The following EBF4 variants were observed in gnomAD, a reference collection of about 807,000 sequenced individuals.
EBF4 encodes EBF transcription factor 4.
In EBF4, 34 loss-of-function variants were observed where a neutral mutation model predicts 67.1. The observed-to-expected ratio is 0.51, with a 90% CI of 0.39 to 0.67. EBF4 has a LOEUF of 0.67. EBF4 is among the 30% of genes least tolerant of loss of function. The pLI is 0.00. For missense variants in EBF4, 837 were observed against 873.3 expected (o/e 0.96, Z 0.52); for synonymous variants, 387 against 377.7 (o/e 1.02, Z -0.29).
intron 6 of EBF4, among the ~76,000 whole-genome samples, chr20:2,715,495 T>G (rs2087596389): frequency 6.6e-6 from 1 of 152,192 alleles, no homozygotes; most frequent in African/African-American, 2.4e-5. Flanking sequence ...GGTCAGGAAT[T>G]GTCAGGTCAT....
intron 6 of EBF4, among the ~76,000 whole-genome samples, chr20:2,717,813 CTTT>C (rs796712582): frequency 1.4e-5 from 2 of 140,694 alleles, no homozygotes. Context: ...AGTGGGCATT[CTTT>C]TTTTTTTTTT....
At chr20:2,705,589 G>A (rs1175109908) in exon 2 of EBF4, 1 of 1,551,994 alleles carries the variant, frequency 6.4e-7, no homozygotes, top group South Asian at 1.2e-5. Flanking sequence ...GCGTGGGTCT[G>A]GCACGAGCAC....
At chr20:2,719,835 G>C (rs1478572362) in intron 6 of EBF4, among the ~76,000 whole-genome samples, 1 of 152,110 alleles carries the variant, frequency 6.6e-6, no homozygotes, top group East Asian at 1.9e-4. Flanking sequence ...TAAATATTTT[G>C]CCTGCGCTTG....
In EBF4 at chr20:2,751,583, G is replaced by T; in HGVS notation, c.1019-117G>T. The T allele has an allele frequency of 9.7e-7, 1 of 1,029,554 alleles. No individual in the cohort carries two copies. Among genetic ancestry groups the T allele is most frequent in the South Asian group, 1.5e-5 (1 of 68,138 alleles). The allele number at this position is 1,029,554 out of a possible 1,614,324, so 63.8% of individuals were successfully genotyped here. On this transcript the variant is annotated intron_variant, in intron 10 of 16. Coordinates refer to ENST00000609451, the Ensembl canonical transcript of EBF4. The surrounding 1 kb of genome is among the most constrained non-coding windows in gnomAD (Gnocchi z 5.2). ...GGGGACTTGGGCTGGGCCTGGTGGA[G>T]GGGGCTGCAGCGAGGCTCTCGGACT... is the stretch of plus-strand genomic sequence containing the variant.
In EBF4 at chr20:2,755,637, T is replaced by C; in HGVS notation, c.1551T>C (p.Ser517=). The change falls in exon 15 of 17, where the codon TCT becomes TCC. Residue 517 remains serine (S), a synonymous_variant. Transcript: ENST00000609451. This position sits in a 1 kb window ranked among gnomAD's most constrained non-coding sequence, Gnocchi z 4.7. ...CGCCCCGCCCCGGAGTCATGCCCTC[T>C]AGCCCCCCGCTGGCGGCTGCCTCCT... 3.6e-6 allele frequency: 4 copies of C among 1,122,450 alleles called. No homozygotes were observed. Among genetic ancestry groups the C allele is most frequent in the Non-Finnish European group, 4.8e-6 (4 of 829,906 alleles). The allele number at this position is 1,122,450 out of a possible 1,614,324, so 69.5% of individuals were successfully genotyped here. A position where few individuals can be genotyped will look rare whatever the true frequency, so the allele number is the denominator to read the frequency against.
At chr20:2,724,880 G>A (rs2087728208) in intron 6 of EBF4, among the ~76,000 whole-genome samples, 1 of 152,120 alleles carries the variant, frequency 6.6e-6, no homozygotes, top group African/African-American at 2.4e-5. Context: ...TTCCAGCCTG[G>A]GCAACAGAGT....
Position 2,747,488 on chromosome 20 carries a change from GTGTT to G in EBF4, c.558-1059_558-1056del, listed in dbSNP as rs976074078. Among the ~76,000 whole-genome samples the G allele has an allele frequency of 1.4e-4, 21 of 152,144 alleles. No individual in the cohort carries two copies. The highest frequency in any genetic ancestry group is 5.1e-4 in the African/African-American group (21 of 41,412). On this transcript the variant is annotated intron_variant, in intron 6 of 16. Transcript: ENST00000609451. This position sits in a 1 kb window ranked among gnomAD's most constrained non-coding sequence, Gnocchi z 4.6. Reference sequence around the variant, plus strand: ...AAAAAGCAACCTCATCAGCGCATATGTGTTTTTTTCCCAATAACTCTATGTAAAA... The same window carrying G: ...AAAAAGCAACCTCATCAGCGCATATGTTTTTCCCAATAACTCTATGTAAAA...
At chr20:2,736,147 T>A (rs536509618) in intron 6 of EBF4, among the ~76,000 whole-genome samples, 9 of 152,178 alleles carry the variant, frequency 5.9e-5, no homozygotes, top group Non-Finnish European at 1.2e-4. Flanking sequence ...AATATTTGCT[T>A]GATTGGCCAG....
At chr20:2,724,767 T>C (rs2087727077) in intron 6 of EBF4, among the ~76,000 whole-genome samples, 1 of 152,008 alleles carries the variant, frequency 6.6e-6, no homozygotes, top group South Asian at 2.1e-4. Flanking sequence ...AGCCATGTGT[T>C]GTGGTGCATG....
rs1480834548 is a variant in EBF4, at chr20:2,706,194, A to G, written c.359-15A>G. The stretch of plus-strand genomic sequence containing the variant: ...GCTCCCCCAGCAGCAAGCCCTCTCC[A>G]TCTTCCCATCCTAGGACTGCGGACA... On this transcript the variant is annotated splice_polypyrimidine_tract_variant and intron_variant, in intron 3 of 16. Coordinates refer to ENST00000609451, the Ensembl canonical transcript of EBF4. The G allele has an allele frequency of 4.5e-6, 7 of 1,551,906 alleles. No individual in the cohort carries two copies. The highest frequency in any genetic ancestry group is 3.9e-5 in the Admixed American group (2 of 50,984).
exon 9 of EBF4, chr20:2,749,666 C>G: frequency 6.4e-7 from 1 of 1,567,752 alleles, no homozygotes; most frequent in Non-Finnish European, 8.6e-7. Context: ...AGGGCTGGAC[C>G]ACGGGCGGCG....
intron 6 of EBF4, among the ~76,000 whole-genome samples, chr20:2,711,816 A>T (rs2087548570): frequency 6.6e-6 from 1 of 152,238 alleles, no homozygotes; most frequent in Non-Finnish European, 1.5e-5. Flanking sequence ...GCTAAGAAAA[A>T]TAAAGCCATT....
intron 6 of EBF4, among the ~76,000 whole-genome samples, chr20:2,726,457 C>T (rs977626665): frequency 3.3e-5 from 5 of 152,014 alleles, no homozygotes; most frequent in Admixed American, 3.3e-4. Flanking sequence ...TGGTGTACTC[C>T]TGTAGCCTCA....
At chr20:2,716,880 G>A (rs954789712) in intron 6 of EBF4, among the ~76,000 whole-genome samples, 1 of 152,036 alleles carries the variant, frequency 6.6e-6, no homozygotes, top group Non-Finnish European at 1.5e-5. Context: ...CACTATATCT[G>A]TATAATACCA....
chr20:2,757,706 G>A (rs1370429191), intron 15 of EBF4, among the ~76,000 whole-genome samples: 2 of 152,200 alleles, frequency 1.3e-5, no homozygotes, highest in Admixed American at 6.5e-5. Flanking sequence ...TAGCACTTTG[G>A]CAGGCCGAGG....
chr20:2,711,138 A>G (rs980473299), intron 6 of EBF4, among the ~76,000 whole-genome samples: 1 of 141,828 alleles, frequency 7.1e-6, no homozygotes, highest in Non-Finnish European at 1.5e-5. Context: ...ACAGAGTGAG[A>G]CCCTGTCTAA....
Position 2,707,365 on chromosome 20 carries a change from G to C in EBF4, c.415-582G>C, listed in dbSNP as rs1600206788. 6.6e-6 allele frequency among the ~76,000 whole-genome samples: 1 copy of C among 152,144 alleles called. No individual in the cohort carries two copies. Among genetic ancestry groups the C allele is most frequent in the South Asian group, 2.1e-4 (1 of 4,834 alleles). On this transcript the variant is annotated intron_variant, in intron 4 of 16. Coordinates refer to ENST00000609451, the Ensembl canonical transcript of EBF4. The surrounding 1 kb of genome is among the most constrained non-coding windows in gnomAD (Gnocchi z 4.6). ...ACTTCTTGCTTCTGGGCAGAGGGAG[G>C]CTGGAAGACTGGTGAGGAGGTGATG...
At position 2,755,466 on chromosome 20, in the gene EBF4, T is replaced by G. The variant is rs1404625865; in HGVS notation, c.1541-161T>G. Reference sequence around the variant, plus strand: ...TCCAGAACCGCTGAGAGGTCAGGGCTGGCCCAGGACCCTCACAGCTCCCAG... The same window carrying G: ...TCCAGAACCGCTGAGAGGTCAGGGCGGGCCCAGGACCCTCACAGCTCCCAG... On this transcript the variant is annotated intron_variant, in intron 14 of 16. Coordinates refer to ENST00000609451, the Ensembl canonical transcript of EBF4. This position sits in a 1 kb window ranked among gnomAD's most constrained non-coding sequence, Gnocchi z 4.7. 11 of 608,368 alleles carry G rather than the reference T, an allele frequency of 1.8e-5. No individual in the cohort carries two copies. Among genetic ancestry groups the G allele is most frequent in the Non-Finnish European group, 3.2e-5 (11 of 339,748 alleles). 37.7% of individuals were successfully genotyped at this position (608,368 alleles called of 1,614,324 possible).
Position 2,752,383 on chromosome 20 carries a change from T to TC in EBF4, c.1384dup (p.Arg462ProfsTer57). The TC allele has an allele frequency of 1.6e-6, 2 of 1,244,690 alleles. No individual in the cohort carries two copies. The highest frequency in any genetic ancestry group is 3.4e-5 in the East Asian group (1 of 29,150). 77.1% of individuals were successfully genotyped at this position (1,244,690 alleles called of 1,614,324 possible). A position where few individuals can be genotyped will look rare whatever the true frequency, so the allele number is the denominator to read the frequency against. On this transcript the variant is annotated frameshift_variant, in exon 14 of 17. Transcript: ENST00000609451. LOFTEE classifies it high-confidence loss of function. ...CTACGCGCGCAGCTGCAGCAGCGCGTCCCCCCGCGGGTTCGCGCCCAGCCC... is the reference window on the plus strand; with the variant it reads ...CTACGCGCGCAGCTGCAGCAGCGCGTCCCCCCCGCGGGTTCGCGCCCAGCCC...
Sources: allele counts gnomAD v4.1 joint callset (sites outside exome capture counted in the v4.1 genomes callset), GRCh38; gene constraint gnomAD v4.1.1; non-coding constraint Gnocchi (gnomAD v3.1); transcripts MANE v1.5; gene names NCBI Gene and HGNC (gene_info 2026-07-23, HGNC 2026-07-21).